Variants in PCBP3 observed in about 807,000 individuals in gnomAD.
PCBP3 encodes the protein poly(rC)-binding protein 3.
PCBP3 carries 25 observed loss-of-function variants against 52.7 expected under a neutral mutation model. The observed-to-expected ratio is 0.47, with a 90% confidence interval of 0.35 to 0.66. The LOEUF is 0.66. PCBP3 is among the 30% of genes least tolerant of loss of function. PCBP3 has a pLI of 0.01. For synonymous variants in PCBP3, 162 were observed against 183.0 expected, an observed-to-expected ratio of 0.89 and a Z score of 0.93; for missense variants, 391 against 490.3, an observed-to-expected ratio of 0.80 and a Z score of 1.91.
intron 12 of PCBP3, chr21:45,915,449 A>G (rs1047384816): frequency 6.6e-6 from 1 of 152,190 alleles, no homozygotes; most frequent in African/African-American, 2.4e-5. Context: ...ATCCATGATG[A>G]TATCATGTGG....
At chr21:45,750,728 T>A (rs140054267) in intron 3 of PCBP3, 1 of 152,246 alleles carries the variant, frequency 6.6e-6, no homozygotes, top group East Asian at 1.9e-4. Context: ...GTTTTTGTAG[T>A]GTGAAAATGT....
In PCBP3 at chr21:45,930,172, C is replaced by T. The variant is rs879386798; in HGVS notation, c.796+177C>T. On this transcript the variant is annotated intron_variant, in intron 14 of 17. Coordinates refer to ENST00000681687, the MANE Select transcript of PCBP3 (RefSeq NM_001384156.1). ...GCTGGGGCCGGGGACAGGGTGGGGG[C>T]GGGAGGTGGGTCTCGCTCCCACTGT... is the stretch of plus-strand genomic sequence containing the variant. Among the ~76,000 whole-genome samples the T allele has an allele frequency of 6.4e-4, 24 of 37,316 alleles. 1 individual carries two copies. The East Asian group carries it at 0.012, about 18-fold the overall frequency. The allele number at this position is 37,316 out of a possible 152,430, so 24.5% of individuals were successfully genotyped here. A position where few individuals can be genotyped will look rare whatever the true frequency, so the allele number is the denominator to read the frequency against.
chr21:45,824,374 C>G (rs1183946842), intron 4 of PCBP3, among the ~76,000 whole-genome samples: 3 of 152,210 alleles, frequency 2.0e-5, no homozygotes, highest in African/African-American at 7.2e-5. Context: ...CTAAGAGACT[C>G]AGGGCATCAG....
chr21:45,919,819 G>A lies in PCBP3; in HGVS notation c.717+2190G>A, dbSNP rs981138922. 4.1e-5 allele frequency among the ~76,000 whole-genome samples: 5 copies of A among 120,730 alleles called. No individual in the cohort carries two copies. In the East Asian group the frequency reaches 1.0e-3, roughly 25 times the overall value. The allele number at this position is 120,730 out of a possible 152,430, so 79.2% of individuals were successfully genotyped here. The stretch of plus-strand genomic sequence containing the variant: ...CAGCGTTGGGCAGAAGCAGAGGTGT[G>A]TGTGTGTGTGTGTGTGTGCGCGCGC... On this transcript the variant is annotated intron_variant, in intron 13 of 17. Coordinates refer to ENST00000681687, the MANE Select transcript of PCBP3 (RefSeq NM_001384156.1).
chr21:45,688,062 T>A (rs2082255746), intron 2 of PCBP3, among the ~76,000 whole-genome samples: 1 of 152,196 alleles, frequency 6.6e-6, no homozygotes, highest in Non-Finnish European at 1.5e-5. Context: ...AATATCAGTT[T>A]ATCAAAAAAT....
At chr21:45,899,554 C>G (rs1426920320) in intron 6 of PCBP3, 45 bp from the exon 7 acceptor site, 1 of 1,556,052 alleles carries the variant, frequency 6.4e-7, no homozygotes, top group African/African-American at 1.4e-5. Context: ...TTTTCCTCCT[C>G]CTGCTCTATG....
chr21:45,902,039 C>T (rs1326725473), intron 9 of PCBP3, among the ~76,000 whole-genome samples: 1 of 152,140 alleles, frequency 6.6e-6, no homozygotes. Context: ...CAAAGGCAGG[C>T]AGGAGGGGGA....
intron 1 of PCBP3, among the ~76,000 whole-genome samples, chr21:45,655,486 T>C (rs938720633): frequency 3.9e-5 from 6 of 152,120 alleles, no homozygotes; most frequent in Admixed American, 1.3e-4. Context: ...GTAGTAGATA[T>C]TGTGGTATAA....
At chr21:45,686,177 C>T (rs939363630) in intron 2 of PCBP3, among the ~76,000 whole-genome samples, 3 of 152,140 alleles carry the variant, frequency 2.0e-5, no homozygotes. Flanking sequence ...CTTGGCCTCC[C>T]AAAGTGCTGG....
intron 3 of PCBP3, among the ~76,000 whole-genome samples, chr21:45,744,809 G>A (rs1004634646): frequency 3.3e-5 from 5 of 152,094 alleles, no homozygotes; most frequent in Non-Finnish European, 7.3e-5. Context: ...TATATGTACT[G>A]ACCTGTTGTC....
rs75613139 is a variant in PCBP3, at chr21:45,651,720, C to T, written c.-279+7852C>T. On this transcript the variant is annotated intron_variant, in intron 1 of 17. Coordinates refer to ENST00000681687, the MANE Select transcript of PCBP3 (RefSeq NM_001384156.1). ...AATATCCTATACAAAAATCATTGTG[C>T]GTATCACTGATTGCTTCTAAATTTC... is the stretch of plus-strand genomic sequence containing the variant. Among the ~76,000 whole-genome samples, 316 of 152,232 alleles carry T rather than the reference C, an allele frequency of 2.1e-3. 1 individual carries two copies. Among genetic ancestry groups the T allele is most frequent in the African/African-American group, 7.2e-3 (301 of 41,548 alleles).
intron 4 of PCBP3, among the ~76,000 whole-genome samples, chr21:45,815,063 GA>G (rs2092846757): frequency 9.9e-6 from 1 of 101,120 alleles, no homozygotes; most frequent in Non-Finnish European, 2.0e-5. Context: ...AGTGTTGAGT[GA>G]GTGATGAGTG....
intron 4 of PCBP3, among the ~76,000 whole-genome samples, chr21:45,844,404 G>A (rs2093762096): frequency 1.3e-5 from 2 of 152,126 alleles, no homozygotes; most frequent in African/African-American, 4.8e-5. Context: ...TGGTCCAGAT[G>A]TCACCCAGCG....
rs1312004701 is a variant in PCBP3 at position 45,917,481 on chromosome 21, G to A, written c.676-107G>A. 7.1e-6 allele frequency: 6 copies of A among 841,666 alleles called. No homozygotes were observed. Among genetic ancestry groups the A allele is most frequent in the Non-Finnish European group, 1.2e-5 (6 of 501,088 alleles). The allele number at this position is 841,666 out of a possible 1,614,324, so 52.1% of individuals were successfully genotyped here. ...TGGGGACAGGTGGAGAGGCACACGA[G>A]GGGGAAGCTTCTACCGGAGGGTCCT... is the stretch of plus-strand genomic sequence containing the variant. On this transcript the variant is annotated intron_variant, in intron 12 of 17. Transcript: ENST00000681687. This position sits in a 1 kb window ranked among gnomAD's most constrained non-coding sequence, Gnocchi z 5.3.
At chr21:45,682,571 G>A (rs945750907) in intron 2 of PCBP3, among the ~76,000 whole-genome samples, 16 of 152,120 alleles carry the variant, frequency 1.1e-4, no homozygotes, top group Admixed American at 3.3e-4. Flanking sequence ...AGTGGAGGTG[G>A]TAAGAAGTAG....
chr21:45,665,535 C>T (rs977815487), intron 1 of PCBP3, among the ~76,000 whole-genome samples: 4 of 152,124 alleles, frequency 2.6e-5, no homozygotes, highest in African/African-American at 9.7e-5. Context: ...AAGATCATAT[C>T]CAAACATACG....
At chr21:45,782,778 C>CA (rs1283906070) in intron 4 of PCBP3, among the ~76,000 whole-genome samples, 3 of 151,970 alleles carry the variant, frequency 2.0e-5, no homozygotes, top group African/African-American at 4.8e-5. Context: ...AAACCAAAGA[C>CA]AAAAAAAATC....
At chr21:45,901,154 C>T in intron 9 of PCBP3, 41 bp downstream of exon 9, 1 of 1,420,910 alleles carries the variant, frequency 7.0e-7, no homozygotes, top group Non-Finnish European at 9.9e-7. Context: ...CTGGCGGGGG[C>T]AGGCCTGGTC....
chr21:45,877,844 G>C (rs1220308947), intron 5 of PCBP3, among the ~76,000 whole-genome samples: 2 of 152,224 alleles, frequency 1.3e-5, no homozygotes, highest in African/African-American at 2.4e-5. Flanking sequence ...ATGGAGTGGG[G>C]GTACACCCCC....
Sources: gnomAD v4.1 joint callset for allele counts (sites outside exome capture counted in the v4.1 genomes callset) on GRCh38, gnomAD v4.1.1 for gene constraint, Gnocchi (gnomAD v3.1) non-coding constraint, MANE v1.5 for transcripts, NCBI Gene and HGNC (gene_info 2026-07-23, HGNC 2026-07-21) for gene names.